ANK2: variants seen among roughly 807,000 people sequenced by gnomAD.
ANK2 encodes ankyrin 2.
ANK2 carries 83 observed loss-of-function variants against 360.5 expected under a neutral mutation model. That is an observed-to-expected ratio of 0.23 (90% confidence interval 0.19 to 0.28). ANK2 has a LOEUF of 0.28. Ranked by LOEUF, ANK2 falls within the 10% of genes least tolerant of loss-of-function variation. The pLI is 1.00. For missense variants in ANK2, 4,201 were observed against 4,795.7 expected, an observed-to-expected ratio of 0.88 and a Z score of 3.66; for synonymous variants, 1,740 against 1,759.5, an observed-to-expected ratio of 0.99 and a Z score of 0.28.
intron 1 of ANK2, among the ~76,000 whole-genome samples, chr4:113,167,709 A>G (rs1390933489): frequency 6.6e-6 from 1 of 152,228 alleles, no homozygotes; most frequent in Non-Finnish European, 1.5e-5. Flanking sequence ...CATACCTGTT[A>G]AACTGCACCC....
chr4:112,722,369 C>T, the ANK2 span, among the ~76,000 whole-genome samples: 1 of 152,150 alleles, frequency 6.6e-6, no homozygotes, highest in African/African-American at 2.4e-5. Context: ...ACACATACCC[C>T]CATACACGAG....
At chr4:113,211,131 C>T (rs1486489512) in intron 4 of ANK2, among the ~76,000 whole-genome samples, 2 of 152,130 alleles carry the variant, frequency 1.3e-5, no homozygotes, top group Admixed American at 1.3e-4. Context: ...TCTATACATT[C>T]AACTGTATCA....
intron 28 of ANK2, among the ~76,000 whole-genome samples, chr4:113,332,813 A>G (rs1025724287): frequency 6.6e-6 from 1 of 152,236 alleles, no homozygotes; most frequent in African/African-American, 2.4e-5. Flanking sequence ...AGAATGTCAC[A>G]TGCACTCACA....
intron 15 of ANK2, among the ~76,000 whole-genome samples, chr4:113,276,856 T>G (rs1419226388): frequency 6.6e-6 from 1 of 152,186 alleles, no homozygotes; most frequent in Non-Finnish European, 1.5e-5. Context: ...AAGCCATGGC[T>G]TAGAGCACCT....
At chr4:112,834,619 TA>T (rs900725647) in intron 1 of ANK2, among the ~76,000 whole-genome samples, 2 of 152,132 alleles carry the variant, frequency 1.3e-5, no homozygotes, top group African/African-American at 4.8e-5. Flanking sequence ...TATAAGGACT[TA>T]AAAAAACACT....
chr4:112,729,105 G>A, the ANK2 span, among the ~76,000 whole-genome samples: 3 of 152,056 alleles, frequency 2.0e-5, no homozygotes, highest in South Asian at 2.1e-4. Context: ...GGGATGAGGC[G>A]GGAGGATAGC....
At position 113,138,485 on chromosome 4, in the gene ANK2, A is replaced by C. The variant is rs974961070; in HGVS notation, c.85-35931A>C. ...ATTGGTAATTCTAAAATAAATACTC[A>C]TATATGCTCTAGTTGAACCAGCATC... On this transcript the variant is annotated intron_variant, in intron 1 of 45. Transcript: ENST00000357077. 5.9e-5 allele frequency among the ~76,000 whole-genome samples: 9 copies of C among 152,336 alleles called. No homozygotes were observed. In the East Asian group the frequency reaches 1.7e-3, roughly 29 times the overall value.
chr4:113,194,010 T>C (rs981428006), intron 2 of ANK2, among the ~76,000 whole-genome samples: 1 of 152,150 alleles, frequency 6.6e-6, no homozygotes, highest in Admixed American at 6.6e-5. Context: ...TCATTGACAA[T>C]ATATGCTACT....
At chr4:113,336,348 G>A in intron 30 of ANK2, 1 of 588,836 alleles carries the variant, frequency 1.7e-6, no homozygotes, top group East Asian at 2.9e-5. Flanking sequence ...TAAAGAATCA[G>A]ATTATTCCTA....
chr4:113,090,002 A>G (rs540570715), intron 1 of ANK2, among the ~76,000 whole-genome samples: 2 of 152,320 alleles, frequency 1.3e-5, no homozygotes, highest in African/African-American at 4.8e-5. Flanking sequence ...GTGTAAAATC[A>G]AACAGTGAGT....
chr4:112,791,491 T>C, the ANK2 span, among the ~76,000 whole-genome samples: 74 of 142,680 alleles, frequency 5.2e-4, 1 homozygote, highest in Admixed American at 3.8e-3. Context: ...TTTTTTTTTT[T>C]TTTTTTTTTT....
chr4:113,266,961 A>C (rs1008305101), intron 14 of ANK2, among the ~76,000 whole-genome samples: 1 of 151,900 alleles, frequency 6.6e-6, no homozygotes, highest in African/African-American at 2.4e-5. Flanking sequence ...GCATGAGATC[A>C]TATCTCATTG....
chr4:113,280,101 G>T (rs1323575631), intron 17 of ANK2, among the ~76,000 whole-genome samples: 2 of 151,722 alleles, frequency 1.3e-5, no homozygotes, highest in African/African-American at 4.8e-5. Context: ...TTTCCAGGCT[G>T]ACCATTCTCA....
the ANK2 span, among the ~76,000 whole-genome samples, chr4:112,724,749 T>C: frequency 2.6e-5 from 4 of 152,178 alleles, no homozygotes; most frequent in Non-Finnish European, 5.9e-5. Flanking sequence ...ATTATGAATG[T>C]TCTTTAGAAA....
chr4:112,955,769 G>A (rs1278323102), intron 2 of ANK2, among the ~76,000 whole-genome samples: 1 of 152,118 alleles, frequency 6.6e-6, no homozygotes, highest in African/African-American at 2.4e-5. Flanking sequence ...TAATTAGTAG[G>A]GTTAGGGAGA....
intron 2 of ANK2, among the ~76,000 whole-genome samples, chr4:112,960,043 A>T (rs948347559): frequency 2.0e-5 from 3 of 152,162 alleles, no homozygotes; most frequent in African/African-American, 7.2e-5. Flanking sequence ...CTGTGGTGGC[A>T]ATGATAATAA....
At chr4:113,120,666 G>A (rs867417912) in intron 1 of ANK2, among the ~76,000 whole-genome samples, 28 of 152,216 alleles carry the variant, frequency 1.8e-4, no homozygotes, top group African/African-American at 5.8e-4. Context: ...ACAGGTAAAT[G>A]TGTATCATGG....
chr4:112,805,521 C>CCTGG, the ANK2 span, among the ~76,000 whole-genome samples: 1 of 151,214 alleles, frequency 6.6e-6, no homozygotes, highest in Non-Finnish European at 1.5e-5. Context: ...AGCCAATGTT[C>CCTGG]CTGGGGTGGT....
At chr4:113,026,064 C>T (rs775463850) in intron 2 of ANK2, among the ~76,000 whole-genome samples, 1 of 152,120 alleles carries the variant, frequency 6.6e-6, no homozygotes, top group Non-Finnish European at 1.5e-5. Context: ...ATAGACAAAG[C>T]GTATATGGTA....
Sources: gnomAD v4.1 joint callset for allele counts (sites outside exome capture counted in the v4.1 genomes callset) on GRCh38, gnomAD v4.1.1 for gene constraint, MANE v1.5 for transcripts, NCBI Gene and HGNC (gene_info 2026-07-23, HGNC 2026-07-21) for gene names.